The following GALNTL6 variants were observed in gnomAD, a reference collection of about 807,000 sequenced individuals.
The protein encoded by GALNTL6 is polypeptide N-acetylgalactosaminyltransferase like 6.
GALNTL6 carries 46 observed loss-of-function variants against 73.7 expected under a neutral mutation model. The ratio of observed to expected loss-of-function variants is 0.62; its 90% CI spans 0.49 to 0.80. The LOEUF (loss-of-function observed/expected upper bound fraction) is 0.80, where lower values mean the gene tolerates loss of function less well. Among genes scored for constraint, GALNTL6 ranks in the 30% least tolerant of loss-of-function variants. The probability of loss-of-function intolerance (pLI) is 0.00; values close to 1 mark genes in which losing one functional copy is unlikely to be tolerated. For synonymous variants in GALNTL6, 259 were observed against 263.7 expected, an observed-to-expected ratio of 0.98 and a Z score of 0.17; for missense variants, 604 against 755.0, an observed-to-expected ratio of 0.80 and a Z score of 2.34.
intron 3 of GALNTL6, among the ~76,000 whole-genome samples, chr4:172,296,368 A>AT (rs1032983880): frequency 4.0e-5 from 6 of 151,898 alleles, no homozygotes; most frequent in African/African-American, 1.2e-4. Flanking sequence ...CAATTTGCTG[A>AT]TTTTTTTATT....
intron 5 of GALNTL6, among the ~76,000 whole-genome samples, chr4:172,748,088 A>C (rs1304439946): frequency 6.6e-6 from 1 of 152,226 alleles, no homozygotes; most frequent in Non-Finnish European, 1.5e-5. Flanking sequence ...TTAAGCTTCA[A>C]AAGAAAGACC....
intron 5 of GALNTL6, among the ~76,000 whole-genome samples, chr4:172,765,853 T>A: frequency 9.0e-6 from 1 of 111,334 alleles, no homozygotes; most frequent in African/African-American, 4.2e-5. Context: ...TCCCAAAAAA[T>A]CACATGTTTG....
chr4:171,830,667 T>C (rs956095919), intron 2 of GALNTL6, among the ~76,000 whole-genome samples: 8 of 152,168 alleles, frequency 5.3e-5, no homozygotes, highest in Non-Finnish European at 1.5e-5. Flanking sequence ...TGCTATTATG[T>C]CAAGACTTGA....
rs192885012 is a variant in GALNTL6, at chr4:171,961,943, C to T, written c.138+147225C>T. Among the ~76,000 whole-genome samples, 61 of 152,266 alleles carry T rather than the reference C, an allele frequency of 4.0e-4. 1 individual carries two copies. Among genetic ancestry groups the T allele is most frequent in the African/African-American group, 1.4e-3 (57 of 41,556 alleles). ...TCTTGTGGAATATATTGCTGTTGTA[C>T]TCTATGTTTACAATGAAAGATAAGC... is the stretch of plus-strand genomic sequence containing the variant. On this transcript the variant is annotated intron_variant, in intron 2 of 12. Coordinates refer to ENST00000506823, the MANE Select transcript of GALNTL6 (RefSeq NM_001034845.3).
intron 9 of GALNTL6, among the ~76,000 whole-genome samples, chr4:172,951,325 A>T (rs1749432724): frequency 6.6e-6 from 1 of 152,196 alleles, no homozygotes; most frequent in African/African-American, 2.4e-5. Flanking sequence ...CAAAGCTGAC[A>T]AAAGGGCTGA....
At chr4:172,324,848 A>G (rs1331451346) in intron 4 of GALNTL6, among the ~76,000 whole-genome samples, 1 of 151,074 alleles carries the variant, frequency 6.6e-6, no homozygotes, top group Non-Finnish European at 1.5e-5. Context: ...ATAAAACTAT[A>G]TAGCTTAGAA....
At chr4:172,057,621 C>A (rs1439436910) in intron 2 of GALNTL6, among the ~76,000 whole-genome samples, 1 of 147,242 alleles carries the variant, frequency 6.8e-6, no homozygotes, top group Non-Finnish European at 1.5e-5. Context: ...GCGGGAAGAT[C>A]GCTTGAGCAT....
chr4:171,951,025 T>G (rs1560855569), intron 2 of GALNTL6, among the ~76,000 whole-genome samples: 1 of 151,994 alleles, frequency 6.6e-6, no homozygotes, highest in South Asian at 2.1e-4. Context: ...TAGAAACATA[T>G]CCAAGTGTAT....
chr4:172,833,126 G>A (rs9997117), intron 7 of GALNTL6, among the ~76,000 whole-genome samples: 39,983 of 151,888 alleles, frequency 0.26, 7,151 homozygotes, highest in African/African-American at 0.5. Flanking sequence ...GAACATGGGC[G>A]TTCTTCCGGG....
intron 5 of GALNTL6, among the ~76,000 whole-genome samples, chr4:172,503,707 A>T (rs1021759474): frequency 1.3e-5 from 2 of 151,898 alleles, no homozygotes; most frequent in African/African-American, 4.8e-5. Context: ...CAGGTACACT[A>T]TATGGATACA....
At chr4:173,033,212 G>T (rs1488479126) in intron 12 of GALNTL6, among the ~76,000 whole-genome samples, 1 of 151,968 alleles carries the variant, frequency 6.6e-6, no homozygotes, top group East Asian at 1.9e-4. Flanking sequence ...ATGTTGGCCA[G>T]TCTGGTCTCA....
chr4:172,841,613 T>C (rs1318764825), intron 7 of GALNTL6, among the ~76,000 whole-genome samples: 1 of 152,154 alleles, frequency 6.6e-6, no homozygotes, highest in African/African-American at 2.4e-5. Context: ...GAAACAGGCA[T>C]GTCTTACACG....
intron 5 of GALNTL6, among the ~76,000 whole-genome samples, chr4:172,633,120 T>C (rs1209948539): frequency 2.0e-5 from 3 of 152,144 alleles, no homozygotes; most frequent in Non-Finnish European, 4.4e-5. Flanking sequence ...AATGTGGGGT[T>C]GAAGCCCCCA....
At chr4:172,147,483 A>G (rs6821518) in intron 2 of GALNTL6, among the ~76,000 whole-genome samples, 3,086 of 152,340 alleles carry the variant, frequency 0.02, 104 homozygotes, top group African/African-American at 0.068. Flanking sequence ...TTCTGAAAGC[A>G]TATGTGAAGT....
At chr4:172,481,294 G>A (rs757383837) in intron 5 of GALNTL6, among the ~76,000 whole-genome samples, 4 of 151,690 alleles carry the variant, frequency 2.6e-5, no homozygotes, top group African/African-American at 4.8e-5. Flanking sequence ...GGCCTCAGGA[G>A]TGAAGCTGCA....
At chr4:172,202,012 G>A (rs568609036) in intron 2 of GALNTL6, among the ~76,000 whole-genome samples, 4 of 152,230 alleles carry the variant, frequency 2.6e-5, no homozygotes, top group South Asian at 2.1e-4. Context: ...TCAAAAGCAC[G>A]TTAACCATCA....
chr4:172,546,491 A>T (rs1436029866), intron 5 of GALNTL6, among the ~76,000 whole-genome samples: 1 of 36,318 alleles, frequency 2.8e-5, no homozygotes, highest in African/African-American at 1.4e-4. Flanking sequence ...TAAATACACA[A>T]GTTTAAAAAA....
At chr4:172,091,998 A>C (rs1732218625) in intron 2 of GALNTL6, among the ~76,000 whole-genome samples, 1 of 152,150 alleles carries the variant, frequency 6.6e-6, no homozygotes, top group Non-Finnish European at 1.5e-5. Flanking sequence ...AAAGTTCTGG[A>C]AATTTTGACC....
chr4:172,523,765 C>T (rs890904152), intron 5 of GALNTL6, among the ~76,000 whole-genome samples: 1 of 152,240 alleles, frequency 6.6e-6, no homozygotes, highest in African/African-American at 2.4e-5. Context: ...CAATTATCTT[C>T]TCATGCTCCA....
Sources: gnomAD v4.1 joint callset for allele counts (sites outside exome capture counted in the v4.1 genomes callset) on GRCh38, gnomAD v4.1.1 for gene constraint, MANE v1.5 for transcripts, NCBI Gene and HGNC (gene_info 2026-07-23, HGNC 2026-07-21) for gene names.